Variants in CACNA1A observed in about 807,000 individuals in gnomAD.
CACNA1A encodes calcium voltage-gated channel subunit alpha1 A.
A neutral mutation model predicts 262.4 loss-of-function variants in CACNA1A; 57 were observed. The ratio of observed to expected loss-of-function variants is 0.22; its 90% CI spans 0.18 to 0.27. CACNA1A has a LOEUF of 0.27. CACNA1A is among the 10% of genes least tolerant of loss of function. CACNA1A has a pLI of 1.00. For missense variants in CACNA1A, 2,526 were observed against 3,562.8 expected (o/e 0.71, Z 7.41); for synonymous variants, 1,431 against 1,419.3 (o/e 1.01, Z -0.18).
chr19:13,245,617 T>G, intron 30 of CACNA1A: 1 of 228,934 alleles, frequency 4.4e-6, no homozygotes, highest in Non-Finnish European at 8.5e-6. Flanking sequence ...ACTGAGCTCC[T>G]CATGAAGATC....
At chr19:13,474,377 C>G (rs1403457823) in intron 1 of CACNA1A, among the ~76,000 whole-genome samples, 1 of 152,148 alleles carries the variant, frequency 6.6e-6, no homozygotes, top group African/African-American at 2.4e-5. Flanking sequence ...ATGGCCGATT[C>G]CCATAAGACT....
At chr19:13,305,159 C>A (rs1170732115) in intron 15 of CACNA1A, among the ~76,000 whole-genome samples, 1 of 152,112 alleles carries the variant, frequency 6.6e-6, no homozygotes, top group Non-Finnish European at 1.5e-5. Flanking sequence ...AGCGAGTTTC[C>A]ACTGTAGGTA....
rs1180139275 is a variant in CACNA1A at position 13,413,878 on chromosome 19, C to CAAGA, written c.539+38994_539+38997dup. Among the ~76,000 whole-genome samples the CAAGA allele has an allele frequency of 1.6e-3, 126 of 80,484 alleles. 8 individuals are homozygous for CAAGA. Among genetic ancestry groups the CAAGA allele is most frequent in the African/African-American group, 9.9e-3 (121 of 12,268 alleles). The allele number at this position is 80,484 out of a possible 152,430, so 52.8% of individuals were successfully genotyped here. A position where few individuals can be genotyped will look rare whatever the true frequency, so the allele number is the denominator to read the frequency against. Reference sequence around the variant, plus strand: ...TCTGGGTGACAGAGCCAGACTCTGTCAAGAAAGAAAGAAAGAAAAAGAAAG... The same window carrying CAAGA: ...TCTGGGTGACAGAGCCAGACTCTGTCAAGAAAGAAAGAAAGAAAGAAAAAGAAAG... On this transcript the variant is annotated intron_variant, in intron 3 of 46. Coordinates refer to ENST00000360228, the MANE Select transcript of CACNA1A (RefSeq NM_001127222.2).
chr19:13,368,184 G>C (rs2144540105), intron 4 of CACNA1A, among the ~76,000 whole-genome samples: 1 of 152,182 alleles, frequency 6.6e-6, no homozygotes, highest in East Asian at 1.9e-4. Flanking sequence ...GCATGGTGCT[G>C]TGTGCCTGGA....
intron 29 of CACNA1A, among the ~76,000 whole-genome samples, chr19:13,253,749 A>AT (rs1016791915): frequency 2.5e-5 from 3 of 118,508 alleles, no homozygotes; most frequent in African/African-American, 6.6e-5. Flanking sequence ...CGGCTTCCTT[A>AT]TTTTTTTTGA....
At position 13,300,674 on chromosome 19, in the gene CACNA1A, T is replaced by C; in HGVS notation, c.2173-18A>G. ...TGCTCGTCCTAAAAGGCACGTGGAA[T>C]CTTTGTTCACAAAACATGAACTAGG... On this transcript the variant is annotated intron_variant, in intron 17 of 46. Transcript: ENST00000360228. 1 of 1,599,720 alleles carries C rather than the reference T, an allele frequency of 6.3e-7. No homozygotes were observed. Among genetic ancestry groups the C allele is most frequent in the East Asian group, 2.2e-5 (1 of 44,832 alleles).
chr19:13,463,125 T>C (rs1293932674), intron 1 of CACNA1A, among the ~76,000 whole-genome samples: 3 of 148,872 alleles, frequency 2.0e-5, no homozygotes, highest in Non-Finnish European at 3.0e-5. Context: ...GGTTAGAAGA[T>C]AGATGGGTTT....
chr19:13,374,989 T>G (rs1568584253), intron 3 of CACNA1A, among the ~76,000 whole-genome samples: 1 of 152,176 alleles, frequency 6.6e-6, no homozygotes, highest in African/African-American at 2.4e-5. Flanking sequence ...TTCATTTCAT[T>G]GTGCTTTGCT....
chr19:13,486,062 A>T lies in CACNA1A; in HGVS notation c.293+19870T>A, dbSNP rs78566012. Among the ~76,000 whole-genome samples the T allele has an allele frequency of 0.018, 2,762 of 152,336 alleles. 163 individuals are homozygous for T. In the East Asian group the frequency reaches 0.19, roughly 10 times the overall value. On this transcript the variant is annotated intron_variant, in intron 1 of 46. Coordinates refer to ENST00000360228, the MANE Select transcript of CACNA1A (RefSeq NM_001127222.2). ...ACTGCAAACCAATGAAGCAAAATAC[A>T]AAACAACTCCTCTCACATGATTTTA...
chr19:13,495,693 G>C, intron 1 of CACNA1A, among the ~76,000 whole-genome samples: 1 of 152,060 alleles, frequency 6.6e-6, no homozygotes, highest in Non-Finnish European at 1.5e-5. Context: ...ATATCAGGGA[G>C]ACCCACACAT....
Position 13,359,795 on chromosome 19 carries a change from G to A in CACNA1A, c.789C>T (p.Asp263=), listed in dbSNP as rs1409919081. The stretch of plus-strand genomic sequence containing the variant: ...ATGGAGCCGGAGACTCACCCTGAAT[G>A]TCATCTACAAAAGGGAAGGGGAGAA... ...HTTCFEEGTD[D]IQGESPAPCG... is the part of the protein sequence containing the mutation. Residue 263 remains aspartate, a synonymous_variant, in exon 6 of 47, where the codon GAC becomes GAT. Transcript: ENST00000360228. 6.6e-7 allele frequency: 1 copy of A among 1,513,634 alleles called. No individual in the cohort carries two copies. The highest frequency in any genetic ancestry group is 8.9e-7 in the Non-Finnish European group (1 of 1,124,434). The allele number at this position is 1,513,634 out of a possible 1,614,324, so 93.8% of individuals were successfully genotyped here. A position where few individuals can be genotyped will look rare whatever the true frequency, so the allele number is the denominator to read the frequency against.
At chr19:13,346,600 G>A (rs1245939175) in intron 6 of CACNA1A, among the ~76,000 whole-genome samples, 12 of 112,162 alleles carry the variant, frequency 1.1e-4, no homozygotes, top group Admixed American at 1.0e-3. Flanking sequence ...ATTTATTAAG[G>A]AAAATTTTTA....
intron 1 of CACNA1A, among the ~76,000 whole-genome samples, chr19:13,504,616 G>A (rs1298083284): frequency 6.6e-6 from 1 of 152,088 alleles, no homozygotes; most frequent in African/African-American, 2.4e-5. Context: ...AAAGGGATAG[G>A]GGACTCATCG....
At chr19:13,465,437 T>C (rs565148056) in intron 1 of CACNA1A, among the ~76,000 whole-genome samples, 2 of 152,330 alleles carry the variant, frequency 1.3e-5, no homozygotes, top group African/African-American at 4.8e-5. Flanking sequence ...AAACACGATG[T>C]TGCCTTTTGT....
Position 13,497,522 on chromosome 19 carries a change from ATATATATATATATATATATATAT to A in CACNA1A, c.293+8387_293+8409del, listed in dbSNP as rs1341123811. Among the ~76,000 whole-genome samples the A allele has an allele frequency of 5.7e-3, 6 of 1,048 alleles. 2 individuals carry two copies. The highest frequency in any genetic ancestry group is 7.9e-3 in the African/African-American group (2 of 252). The allele number at this position is 1,048 out of a possible 152,430, so 0.7% of individuals were successfully genotyped here. The stretch of plus-strand genomic sequence containing the variant: ...AAAAAAAAAAAAAAAAAAAAAAAAA[ATATATATATATATATATATATAT>A]ATATATATATATATATATATATATA... On this transcript the variant is annotated intron_variant, in intron 1 of 46. Coordinates refer to ENST00000360228, the MANE Select transcript of CACNA1A (RefSeq NM_001127222.2).
intron 36 of CACNA1A, chr19:13,228,599 GAGAGAGAT>G (rs1292242006): frequency 2.2e-5 from 5 of 222,692 alleles, no homozygotes; most frequent in South Asian, 2.0e-4. Flanking sequence ...TTTAGAGAGA[GAGAGAGAT>G]ATATATATAT....
chr19:13,347,503 G>A (rs1362568168), intron 6 of CACNA1A, among the ~76,000 whole-genome samples: 2 of 152,092 alleles, frequency 1.3e-5, no homozygotes, highest in Non-Finnish European at 2.9e-5. Context: ...CAGCCCGCGG[G>A]CCAGCCACCT....
intron 1 of CACNA1A, among the ~76,000 whole-genome samples, chr19:13,483,523 C>T (rs751206418): frequency 6.6e-6 from 1 of 152,122 alleles, no homozygotes. Flanking sequence ...CATGAGCACA[C>T]GACCTCAGCA....
At chr19:13,460,497 C>A (rs10422148) in intron 1 of CACNA1A, among the ~76,000 whole-genome samples, 46,688 of 151,956 alleles carry the variant, frequency 0.31, 8,467 homozygotes, top group East Asian at 0.61. Flanking sequence ...TGTTGGAATG[C>A]GACAAAAGCA....
Sources: allele counts gnomAD v4.1 joint callset (sites outside exome capture counted in the v4.1 genomes callset), GRCh38; gene constraint gnomAD v4.1.1; transcripts MANE v1.5; gene names NCBI Gene and HGNC (gene_info 2026-07-23, HGNC 2026-07-21).